The following TM9SF2 variants were observed in gnomAD, a reference collection of about 807,000 sequenced individuals.
The protein encoded by TM9SF2 is 76 kDa membrane protein.
Under a neutral mutation model 84.9 loss-of-function variants are expected in TM9SF2, and 13 were observed. That is an observed-to-expected ratio of 0.15 (90% CI 0.10 to 0.24). TM9SF2 has a LOEUF of 0.24. TM9SF2 is among the 10% of genes least tolerant of loss of function. The pLI, the probability that TM9SF2 is intolerant of heterozygous loss-of-function variation, is 1.00. For synonymous variants in TM9SF2, 273 were observed against 285.8 expected, an observed-to-expected ratio of 0.96 and a Z score of 0.45; for missense variants, 562 against 818.5, an observed-to-expected ratio of 0.69 and a Z score of 3.82.
chr13:99,502,562 C>T (rs186958207), intron 1 of TM9SF2, among the ~76,000 whole-genome samples: 9 of 152,312 alleles, frequency 5.9e-5, no homozygotes, highest in Admixed American at 1.3e-4. Flanking sequence ...GTCTTGAAAA[C>T]TTTGATCTCT....
At chr13:99,560,792 C>T (rs1320410367) in intron 16 of TM9SF2, among the ~76,000 whole-genome samples, 4 of 152,256 alleles carry the variant, frequency 2.6e-5, no homozygotes, top group Admixed American at 1.3e-4. Flanking sequence ...CGCCATTCTC[C>T]TGCCTCAGCC....
chr13:99,534,009 AG>A (rs1425093234), intron 4 of TM9SF2, among the ~76,000 whole-genome samples: 1 of 152,150 alleles, frequency 6.6e-6, no homozygotes, highest in Non-Finnish European at 1.5e-5. Flanking sequence ...ACATAATTTG[AG>A]GATCTTTTTG....
chr13:99,548,473 T>C (rs1333895090), intron 11 of TM9SF2, among the ~76,000 whole-genome samples: 1 of 152,174 alleles, frequency 6.6e-6, no homozygotes, highest in African/African-American at 2.4e-5. Flanking sequence ...ATCACAGCTG[T>C]TCTGAGATCT....
intron 2 of TM9SF2, among the ~76,000 whole-genome samples, chr13:99,519,792 T>C (rs978290762): frequency 1.1e-4 from 17 of 152,218 alleles, no homozygotes; most frequent in Admixed American, 2.6e-4. Context: ...TTAAAAGATA[T>C]TGTAATATGC....
At chr13:99,525,177 A>G (rs2046177346) in intron 3 of TM9SF2, among the ~76,000 whole-genome samples, 1 of 152,104 alleles carries the variant, frequency 6.6e-6, no homozygotes, top group African/African-American at 2.4e-5. Context: ...GAGGACTTTT[A>G]TTTTACTGGC....
intron 1 of TM9SF2, among the ~76,000 whole-genome samples, chr13:99,513,590 G>A (rs774163272): frequency 9.2e-5 from 14 of 151,526 alleles, no homozygotes; most frequent in Non-Finnish European, 5.9e-5. Flanking sequence ...CCTTGTGTTC[G>A]ACCCTCTGAG....
chr13:99,558,575 T>G (rs539228993), intron 15 of TM9SF2, among the ~76,000 whole-genome samples: 2 of 152,344 alleles, frequency 1.3e-5, no homozygotes, highest in South Asian at 4.1e-4. Flanking sequence ...AGGTATTTTA[T>G]TCTTTTGGGT....
chr13:99,531,983 G>A (rs920061747), intron 4 of TM9SF2, among the ~76,000 whole-genome samples: 12 of 151,122 alleles, frequency 7.9e-5, no homozygotes, highest in Non-Finnish European at 1.3e-4. Flanking sequence ...ATCCACCTGC[G>A]TTTACTGCAA....
chr13:99,549,819 C>T lies in TM9SF2; in HGVS notation c.1328+597C>T, dbSNP rs143624860. ...CAAGAACTGACACGTGAACAGGCTACAGCAATAAAGAAAGCCAAGGATGAT... is the reference window on the plus strand; with the variant it reads ...CAAGAACTGACACGTGAACAGGCTATAGCAATAAAGAAAGCCAAGGATGAT... On this transcript the variant is annotated intron_variant, in intron 12 of 16. Transcript: ENST00000376387. Among the ~76,000 whole-genome samples, 78 of 152,262 alleles carry T rather than the reference C, an allele frequency of 5.1e-4. 1 individual carries two copies. In the East Asian group the frequency reaches 0.014, roughly 27 times the overall value.
At chr13:99,509,206 A>G (rs2046102790) in intron 1 of TM9SF2, among the ~76,000 whole-genome samples, 1 of 152,192 alleles carries the variant, frequency 6.6e-6, no homozygotes, top group Non-Finnish European at 1.5e-5. Flanking sequence ...AGCTGTTCTC[A>G]CAGGTTGTTC....
At position 99,508,492 on chromosome 13, in the gene TM9SF2, A is replaced by AT. The variant is rs534427518; in HGVS notation, c.171+6725dup. Among the ~76,000 whole-genome samples, 52 of 147,866 alleles carry AT rather than the reference A, an allele frequency of 3.5e-4. 1 individual carries two copies. Among genetic ancestry groups the AT allele is most frequent in the Middle Eastern group, 3.5e-3 (1 of 288 alleles). ...CAAGAACATATAAATAAGTGCTGTC[A>AT]TTTTTTTTTTAATATATGCTGTATT... is the stretch of plus-strand genomic sequence containing the variant. On this transcript the variant is annotated intron_variant, in intron 1 of 16. Transcript: ENST00000376387.
intron 2 of TM9SF2, among the ~76,000 whole-genome samples, chr13:99,518,393 G>T (rs1023014299): frequency 9.9e-5 from 15 of 152,224 alleles, no homozygotes; most frequent in African/African-American, 3.4e-4. Context: ...TTACAGGCGT[G>T]AGCCACTGCA....
At chr13:99,528,692 A>G (rs2046194769) in intron 3 of TM9SF2, among the ~76,000 whole-genome samples, 1 of 152,254 alleles carries the variant, frequency 6.6e-6, no homozygotes, top group African/African-American at 2.4e-5. Context: ...AACTAGTGGT[A>G]CAGATATGGC....
chr13:99,543,837 T>A, intron 9 of TM9SF2, 26 bp from the exon 10 acceptor site: 3 of 1,611,926 alleles, frequency 1.9e-6, no homozygotes, highest in Non-Finnish European at 2.5e-6. Flanking sequence ...CATGAGACAA[T>A]CGAACTGATT....
intron 1 of TM9SF2, among the ~76,000 whole-genome samples, chr13:99,505,688 A>T (rs1227590269): frequency 6.6e-6 from 1 of 152,208 alleles, no homozygotes; most frequent in Non-Finnish European, 1.5e-5. Flanking sequence ...TCCAGGATAA[A>T]ATCCACAGTT....
intron 10 of TM9SF2, 24 bp from the exon 11 acceptor site, chr13:99,546,961 A>G: frequency 6.2e-7 from 1 of 1,614,092 alleles, no homozygotes; most frequent in African/African-American, 1.3e-5. Context: ...TAACATGTAC[A>G]GCCTTTCACG....
At chr13:99,504,790 G>A (rs139654107) in intron 1 of TM9SF2, among the ~76,000 whole-genome samples, 392 of 152,128 alleles carry the variant, frequency 2.6e-3, no homozygotes, top group South Asian at 5.0e-3. Flanking sequence ...TTACATGTGC[G>A]TGCATTTGGA....
chr13:99,548,368 T>C (rs1251015182), intron 11 of TM9SF2, among the ~76,000 whole-genome samples: 3 of 152,258 alleles, frequency 2.0e-5, no homozygotes, highest in Non-Finnish European at 2.9e-5. Flanking sequence ...ATGATACATA[T>C]ATATGATCTT....
intron 3 of TM9SF2, among the ~76,000 whole-genome samples, chr13:99,523,648 T>C (rs550946493): frequency 1.1e-4 from 16 of 152,244 alleles, no homozygotes; most frequent in Non-Finnish European, 2.1e-4. Flanking sequence ...TAAGCACTCA[T>C]ATTCATTCAC....
Sources: gnomAD v4.1 joint callset for allele counts (sites outside exome capture counted in the v4.1 genomes callset) on GRCh38, gnomAD v4.1.1 for gene constraint, MANE v1.5 for transcripts, NCBI Gene and HGNC (gene_info 2026-07-23, HGNC 2026-07-21) for gene names.